Variants in RANBP2 observed in about 807,000 individuals in gnomAD.
The protein encoded by RANBP2 is E3 SUMO-protein ligase RanBP2.
In RANBP2, 57 loss-of-function variants were observed where a neutral mutation model predicts 303.6. That is an observed-to-expected ratio of 0.19 (90% CI 0.15 to 0.23). The LOEUF (loss-of-function observed/expected upper bound fraction) is 0.23, where lower values mean the gene tolerates loss of function less well. Among genes scored for constraint, RANBP2 ranks in the 10% least tolerant of loss-of-function variants. The pLI is 1.00. For synonymous variants in RANBP2, 1,167 were observed against 1,301.5 expected (o/e 0.90, Z 2.23); for missense variants, 3,138 against 3,780.8 (o/e 0.83, Z 4.46).
At chr2:108,837,582 T>C in the RANBP2 span, among the ~76,000 whole-genome samples, 3 of 152,244 alleles carry the variant, frequency 2.0e-5, no homozygotes, top group Admixed American at 6.5e-5. Context: ...GCTGTCATAA[T>C]ATTGTAGCAG....
the RANBP2 span, among the ~76,000 whole-genome samples, chr2:109,739,699 T>C: frequency 6.6e-6 from 1 of 152,076 alleles, no homozygotes; most frequent in African/African-American, 2.4e-5. Context: ...TCCTTTCCAA[T>C]TTTGATGTCC....
the RANBP2 span, among the ~76,000 whole-genome samples, chr2:108,988,449 C>T: frequency 1.3e-5 from 2 of 152,102 alleles, no homozygotes; most frequent in Non-Finnish European, 2.9e-5. Context: ...TCCCTCTCCC[C>T]GCTCCCCCGC....
At chr2:109,493,766 T>G in the RANBP2 span, among the ~76,000 whole-genome samples, 1 of 151,524 alleles carries the variant, frequency 6.6e-6, no homozygotes, top group Non-Finnish European at 1.5e-5. Flanking sequence ...ACACCAAACA[T>G]GCACTGCACA....
chr2:108,871,777 C>T, the RANBP2 span, among the ~76,000 whole-genome samples: 1 of 152,110 alleles, frequency 6.6e-6, no homozygotes, highest in Non-Finnish European at 1.5e-5. Flanking sequence ...TTCATCTTCC[C>T]CGCCTCCATT....
chr2:109,615,126 T>G, the RANBP2 span: 7 of 1,549,430 alleles, frequency 4.5e-6, no homozygotes, highest in Non-Finnish European at 6.1e-6. Context: ...GATGGGCAGC[T>G]CCCCGCAGCT....
chr2:109,431,176 T>A, the RANBP2 span, among the ~76,000 whole-genome samples: 4 of 152,076 alleles, frequency 2.6e-5, no homozygotes, highest in African/African-American at 9.7e-5. Context: ...AATGGTGGGG[T>A]CTATGAGCTT....
chr2:108,848,135 A>G, the RANBP2 span, among the ~76,000 whole-genome samples: 8 of 152,260 alleles, frequency 5.3e-5, no homozygotes, highest in African/African-American at 1.9e-4. Flanking sequence ...CCAATTTAAT[A>G]TAAGAAAAAT....
At chr2:109,457,936 GC>G in the RANBP2 span, among the ~76,000 whole-genome samples, 2 of 152,192 alleles carry the variant, frequency 1.3e-5, no homozygotes, top group Non-Finnish European at 2.9e-5. Context: ...GCACTTGCCA[GC>G]ACTCTCCATT....
chr2:109,105,735 T>G, the RANBP2 span, among the ~76,000 whole-genome samples: 8 of 151,822 alleles, frequency 5.3e-5, no homozygotes, highest in Middle Eastern at 6.8e-3. Context: ...TTTTGTATTT[T>G]TAGTAGAGTC....
the RANBP2 span, among the ~76,000 whole-genome samples, chr2:109,535,301 G>A: frequency 6.6e-6 from 1 of 152,144 alleles, no homozygotes. Context: ...TACATGGCCA[G>A]CTTGATGAAT....
chr2:109,369,996 T>C, the RANBP2 span, among the ~76,000 whole-genome samples: 4 of 152,170 alleles, frequency 2.6e-5, no homozygotes, highest in Non-Finnish European at 5.9e-5. Flanking sequence ...ATCTCCTCCT[T>C]AGCCTGTTCA....
At chr2:108,850,685 T>G in the RANBP2 span, among the ~76,000 whole-genome samples, 1 of 152,112 alleles carries the variant, frequency 6.6e-6, no homozygotes, top group Non-Finnish European at 1.5e-5. Context: ...ACTCCTGACC[T>G]CATGATCTGC....
At chr2:108,750,883 GATTA>G (rs1675828561) in intron 9 of RANBP2, among the ~76,000 whole-genome samples, 1 of 152,166 alleles carries the variant, frequency 6.6e-6, no homozygotes, top group Admixed American at 6.5e-5. Context: ...TGTACCGATG[GATTA>G]ATATAGTGGT....
chr2:109,178,527 A>G, the RANBP2 span, among the ~76,000 whole-genome samples: 103 of 152,266 alleles, frequency 6.8e-4, no homozygotes, highest in Admixed American at 9.8e-4. Context: ...TATTCCCAAC[A>G]TTGCTATGTT....
chr2:108,822,083 G>A, the RANBP2 span, among the ~76,000 whole-genome samples: 1 of 152,010 alleles, frequency 6.6e-6, no homozygotes, highest in South Asian at 2.1e-4. Context: ...AGATCTAAAG[G>A]CACGTATCAG....
chr2:109,270,144 C>T, the RANBP2 span, among the ~76,000 whole-genome samples: 4 of 152,230 alleles, frequency 2.6e-5, no homozygotes, highest in African/African-American at 4.8e-5. Flanking sequence ...TCTCAGCCCC[C>T]ACCTGGGGGT....
At chr2:109,608,590 A>C in the RANBP2 span, among the ~76,000 whole-genome samples, 1 of 152,338 alleles carries the variant, frequency 6.6e-6, no homozygotes, top group South Asian at 2.1e-4. Context: ...GAGCCTGACC[A>C]GGTAGCCTAT....
chr2:109,546,256 T>C, the RANBP2 span: 2 of 1,503,176 alleles, frequency 1.3e-6, no homozygotes, highest in Admixed American at 2.2e-5. Flanking sequence ...AAAAGTGCAA[T>C]CCCCACTACT....
At chr2:108,874,077 T>A in the RANBP2 span, among the ~76,000 whole-genome samples, 1 of 152,182 alleles carries the variant, frequency 6.6e-6, no homozygotes, top group African/African-American at 2.4e-5. Context: ...ATGCTTCATA[T>A]AAAAGTAAGA....
Sources: gnomAD v4.1 joint callset for allele counts (sites outside exome capture counted in the v4.1 genomes callset) on GRCh38, gnomAD v4.1.1 for gene constraint, MANE v1.5 for transcripts, NCBI Gene and HGNC (gene_info 2026-07-23, HGNC 2026-07-21) for gene names.